The following WDTC1 variants were observed in gnomAD, a reference collection of about 807,000 sequenced individuals.
WDTC1 encodes WD and tetratricopeptide repeats protein 1.
A neutral mutation model predicts 76.0 loss-of-function variants in WDTC1; 12 were observed. The observed-to-expected ratio is 0.16, with a 90% CI of 0.10 to 0.26. The LOEUF (loss-of-function observed/expected upper bound fraction) is 0.26. WDTC1 is among the 10% of genes least tolerant of loss of function. The probability of loss-of-function intolerance (pLI) is 1.00; values close to 1 mark genes in which losing one functional copy is unlikely to be tolerated. For missense variants in WDTC1, 511 were observed against 908.8 expected (o/e 0.56, Z 5.63); for synonymous variants, 326 against 350.8 (o/e 0.93, Z 0.79).
At chr1:27,248,396 T>C (rs1215958660) in intron 1 of WDTC1, among the ~76,000 whole-genome samples, 2 of 152,192 alleles carry the variant, frequency 1.3e-5, no homozygotes. Context: ...GATTTCTCTA[T>C]TGATCAGTGA....
At chr1:27,256,963 T>C (rs994679813) in intron 1 of WDTC1, among the ~76,000 whole-genome samples, 2 of 152,114 alleles carry the variant, frequency 1.3e-5, no homozygotes, top group Non-Finnish European at 2.9e-5. Context: ...CCGGATTCAC[T>C]GCCATTCTCC....
rs1252584653 is a variant in WDTC1, at chr1:27,294,499, G to T, written c.758-15G>T. On this transcript the variant is annotated splice_polypyrimidine_tract_variant and intron_variant, in intron 8 of 15. Coordinates refer to ENST00000319394, the MANE Select transcript of WDTC1 (RefSeq NM_001276252.2). Reference sequence around the variant, plus strand: ...AGGGACTGGGACCCTAGTATGACTGGGCTATTCCCTGCAGGTCACCTGCCA... The same window carrying T: ...AGGGACTGGGACCCTAGTATGACTGTGCTATTCCCTGCAGGTCACCTGCCA... 5.6e-6 allele frequency: 9 copies of T among 1,612,434 alleles called. No homozygotes were observed. Among genetic ancestry groups the T allele is most frequent in the African/African-American group, 1.3e-5 (1 of 74,990 alleles).
chr1:27,266,034 T>G (rs2012652280), intron 3 of WDTC1, among the ~76,000 whole-genome samples: 1 of 152,122 alleles, frequency 6.6e-6, no homozygotes, highest in African/African-American at 2.4e-5. Context: ...GGATCCTCAG[T>G]AATTTTTAAT....
At chr1:27,263,652 T>C (rs1486866139) in intron 3 of WDTC1, among the ~76,000 whole-genome samples, 2 of 152,080 alleles carry the variant, frequency 1.3e-5, no homozygotes, top group Non-Finnish European at 2.9e-5. Flanking sequence ...GCCAGGATGG[T>C]CTCGATCTCC....
intron 3 of WDTC1, among the ~76,000 whole-genome samples, chr1:27,281,497 G>T (rs534987489): frequency 6.6e-6 from 1 of 151,884 alleles, no homozygotes; most frequent in African/African-American, 2.4e-5. Context: ...TAGTTAATTG[G>T]CTGTCCTTGG....
Position 27,291,808 on chromosome 1 carries a change from G to A in WDTC1, c.480-407G>A, listed in dbSNP as rs2013544058. On this transcript the variant is annotated intron_variant, in intron 6 of 15. Coordinates refer to ENST00000319394, the MANE Select transcript of WDTC1 (RefSeq NM_001276252.2). ...TTCCCCAGCTCTGCACTTACTAGCA[G>A]TGTCATCTCAGTCAGGTTATTCAAC... 2.0e-5 allele frequency among the ~76,000 whole-genome samples: 3 copies of A among 152,146 alleles called. No individual in the cohort carries two copies. In the South Asian group the frequency reaches 6.2e-4, roughly 32 times the overall value.
intron 10 of WDTC1, 105 bp downstream of exon 10, chr1:27,296,506 A>G (rs2013689470): frequency 8.2e-7 from 1 of 1,218,678 alleles, no homozygotes; most frequent in Admixed American, 1.9e-5. Context: ...GTGATCCTCC[A>G]AAAATAGCAG....
At position 27,297,071 on chromosome 1, in the gene WDTC1, A is replaced by ACCAACGGTGTGT. The variant is rs759849631; in HGVS notation, c.990_1001dup (p.Val332_Gly335dup). 2 of 1,614,088 alleles carry ACCAACGGTGTGT rather than the reference A, an allele frequency of 1.2e-6. No homozygotes were observed. The highest frequency in any genetic ancestry group is 1.7e-5 in the Admixed American group (1 of 60,006). ...AGAAGTCCAGAATGGCAAGATGTCC[A>ACCAACGGTGTGT]CCAACGGTGTGTCCAACGGTGTGTC... On this transcript the variant is annotated inframe_insertion, in exon 11 of 16. Transcript: ENST00000319394.
chr1:27,285,862 A>G (rs1035900936), intron 5 of WDTC1, among the ~76,000 whole-genome samples: 50 of 152,212 alleles, frequency 3.3e-4, no homozygotes, highest in African/African-American at 1.2e-3. Context: ...TGCTGGGATT[A>G]CAGGTGCGAG....
intron 1 of WDTC1, among the ~76,000 whole-genome samples, chr1:27,254,010 G>A (rs2012189386): frequency 6.6e-6 from 1 of 152,154 alleles, no homozygotes; most frequent in South Asian, 2.1e-4. Context: ...ACTGAGGTAT[G>A]AAACTTGTTA....
chr1:27,238,493 T>C (rs1260715154), intron 1 of WDTC1, among the ~76,000 whole-genome samples: 1 of 151,774 alleles, frequency 6.6e-6, no homozygotes, highest in Non-Finnish European at 1.5e-5. Context: ...CTTTTTTTTT[T>C]CTTTGAGACA....
At chr1:27,276,807 T>C (rs77791000) in intron 3 of WDTC1, among the ~76,000 whole-genome samples, 17,908 of 152,068 alleles carry the variant, frequency 0.12, 1,215 homozygotes, top group South Asian at 0.18. Context: ...CTAATGATGT[T>C]GAGCATGTTT....
intron 1 of WDTC1, among the ~76,000 whole-genome samples, chr1:27,240,983 A>AAAG (rs2011614816): frequency 6.6e-6 from 1 of 151,380 alleles, no homozygotes; most frequent in Admixed American, 6.6e-5. Flanking sequence ...AAAAAAAAAA[A>AAAG]ACAAAAAAAC....
chr1:27,263,268 TG>T (rs755365637), intron 3 of WDTC1, 33 bp downstream of exon 3: 13 of 1,600,638 alleles, frequency 8.1e-6, no homozygotes, highest in Middle Eastern at 1.9e-4. Flanking sequence ...TAGATGCAGA[TG>T]GCCTGCTGTC....
intron 1 of WDTC1, among the ~76,000 whole-genome samples, chr1:27,252,793 G>A (rs1281279491): frequency 1.3e-4 from 19 of 150,742 alleles, no homozygotes; most frequent in Admixed American, 1.1e-3. Flanking sequence ...CCGAGACTCC[G>A]TCTCAAAAAA....
intron 6 of WDTC1, among the ~76,000 whole-genome samples, chr1:27,291,174 C>T (rs2013525455): frequency 6.6e-6 from 1 of 152,190 alleles, no homozygotes; most frequent in Admixed American, 6.5e-5. Context: ...AGAGTGTATT[C>T]CCCAGCTTGA....
chr1:27,253,047 CA>C (rs1184658797), intron 1 of WDTC1, among the ~76,000 whole-genome samples: 2 of 143,406 alleles, frequency 1.4e-5, no homozygotes, highest in Non-Finnish European at 1.5e-5. Flanking sequence ...CTCACTCTGT[CA>C]CCCAGGCTGG....
At chr1:27,295,438 A>G (rs1317028843) in intron 9 of WDTC1, among the ~76,000 whole-genome samples, 1 of 152,016 alleles carries the variant, frequency 6.6e-6, no homozygotes, top group Non-Finnish European at 1.5e-5. Context: ...TCATCTTTTT[A>G]AACATGTGAC....
rs1180496002 is a variant in WDTC1 at position 27,306,372 on chromosome 1, C to T, written c.2023C>T (p.Arg675Trp). The T allele has an allele frequency of 4.3e-6, 7 of 1,612,078 alleles. No homozygotes were observed. Among genetic ancestry groups the T allele is most frequent in the African/African-American group, 1.3e-5 (1 of 74,892 alleles). Reference sequence around the variant, plus strand: ...CAGCTCTGAGGGCCAGGTGCAGTGCCGGCCCAGCTAGACCCTCCAGCCCTG... The same window carrying T: ...CAGCTCTGAGGGCCAGGTGCAGTGCTGGCCCAGCTAGACCCTCCAGCCCTG... ...EDSSEGQVQC[R>W]PS Residue 675 changes from arginine (R) to tryptophan (W), a missense_variant, in exon 16 of 16, where the codon CGG becomes TGG. Coordinates refer to ENST00000319394, the MANE Select transcript of WDTC1 (RefSeq NM_001276252.2). The surrounding 1 kb of genome is among the most constrained non-coding windows in gnomAD (Gnocchi z 5.0).
Sources: allele counts gnomAD v4.1 joint callset (sites outside exome capture counted in the v4.1 genomes callset), GRCh38; gene constraint gnomAD v4.1.1; non-coding constraint Gnocchi (gnomAD v3.1); transcripts MANE v1.5; gene names NCBI Gene and HGNC (gene_info 2026-07-23, HGNC 2026-07-21).